Variants in KLF8 observed in about 807,000 individuals in gnomAD.
KLF8 encodes Krueppel-like factor 8.
In KLF8, 10 loss-of-function variants were observed where a neutral mutation model predicts 18.2. The ratio of observed to expected loss-of-function variants is 0.55; its 90% confidence interval spans 0.34 to 0.93. KLF8 has a LOEUF of 0.93. Ranked by LOEUF, KLF8 falls within the 40% of genes least tolerant of loss-of-function variation. KLF8 has a pLI of 0.02. For missense variants in KLF8, 264 were observed against 277.9 expected (o/e 0.95, Z 0.36); for synonymous variants, 109 against 97.3 (o/e 1.12, Z -0.71).
the KLF8 span, among the ~76,000 whole-genome samples, chrX:56,159,592 A>T: frequency 8.9e-6 from 1 of 112,204 alleles, no homozygotes; most frequent in Admixed American, 9.4e-5. Flanking sequence ...TCAGAGATTC[A>T]ACTTCTTCCT....
chrX:56,250,031 G>A (rs187419261), intron 1 of KLF8, among the ~76,000 whole-genome samples, 200 bp from the exon 2 acceptor site: 1 of 111,847 alleles, frequency 8.9e-6, no homozygotes, highest in Non-Finnish European at 1.9e-5. Context: ...TTTGGTGGAG[G>A]GGAGCAGCTA....
chrX:56,251,610 G>A (rs1454857166), intron 2 of KLF8, among the ~76,000 whole-genome samples: 1 of 108,840 alleles, frequency 9.2e-6, no homozygotes, highest in Non-Finnish European at 1.9e-5. Flanking sequence ...CTACAGGCAC[G>A]CACCACCATG....
chrX:56,182,044 C>A, the KLF8 span, among the ~76,000 whole-genome samples: 9 of 111,770 alleles, frequency 8.1e-5, no homozygotes, highest in African/African-American at 2.9e-4. Flanking sequence ...TGGATACTAT[C>A]CTGAAGAGTC....
the KLF8 span, among the ~76,000 whole-genome samples, chrX:56,192,177 A>G: frequency 8.9e-6 from 1 of 112,149 alleles, no homozygotes; most frequent in Admixed American, 9.5e-5. Flanking sequence ...CTTAATGCCA[A>G]GAGGAAACCA....
At chrX:55,939,887 G>C in the KLF8 span, among the ~76,000 whole-genome samples, 1 of 111,721 alleles carries the variant, frequency 9.0e-6, no homozygotes, top group Admixed American at 9.5e-5. Flanking sequence ...ATAATTAATA[G>C]CTTACCAATC....
the KLF8 span, among the ~76,000 whole-genome samples, chrX:55,964,033 A>G: frequency 8.9e-6 from 1 of 112,120 alleles, no homozygotes; most frequent in Non-Finnish European, 1.9e-5. Context: ...CCTGCCTCGA[A>G]TGTAAATGAG....
At chrX:56,040,886 C>A in the KLF8 span, among the ~76,000 whole-genome samples, 1 of 30,236 alleles carries the variant, frequency 3.3e-5, no homozygotes, top group Admixed American at 5.7e-4. Flanking sequence ...TGGTCTTGGG[C>A]TTTTTTTTTT....
the KLF8 span, among the ~76,000 whole-genome samples, chrX:56,214,123 C>T: frequency 9.0e-6 from 1 of 110,719 alleles, no homozygotes; most frequent in African/African-American, 3.3e-5. Flanking sequence ...CTCTTCTCCC[C>T]TTCTCTGCTC....
At chrX:56,251,138 G>A (rs2066704394) in intron 2 of KLF8, among the ~76,000 whole-genome samples, 1 of 112,301 alleles carries the variant, frequency 8.9e-6, no homozygotes, top group Admixed American at 9.4e-5. Flanking sequence ...CCCATTTGAT[G>A]GAAAATAAAA....
At chrX:56,257,701 A>G (rs146139810) in intron 2 of KLF8, among the ~76,000 whole-genome samples, 1,753 of 112,359 alleles carry the variant, frequency 0.016, 81 homozygotes, top group Admixed American at 0.11. Context: ...GTTCTTATTT[A>G]TGTCTACATA....
chrX:56,133,072 A>T, the KLF8 span, among the ~76,000 whole-genome samples: 1 of 111,849 alleles, frequency 8.9e-6, no homozygotes, highest in Non-Finnish European at 1.9e-5. Context: ...TCACAGCTGA[A>T]TTCTATCAGA....
the KLF8 span, among the ~76,000 whole-genome samples, chrX:55,938,845 C>A: frequency 8.9e-6 from 1 of 111,762 alleles, no homozygotes; most frequent in African/African-American, 3.2e-5. Flanking sequence ...TATATATGCA[C>A]CCAATACAGG....
chrX:55,961,371 T>G, the KLF8 span: 7 of 477,784 alleles, frequency 1.5e-5, no homozygotes, highest in Non-Finnish European at 2.8e-5. Context: ...GGGACACCGA[T>G]AGCAAAAAGA....
the KLF8 span, among the ~76,000 whole-genome samples, chrX:56,178,589 T>A: frequency 8.9e-6 from 1 of 112,340 alleles, no homozygotes; most frequent in Non-Finnish European, 1.9e-5. Flanking sequence ...ATTGGCTCAG[T>A]TTTCTTCTAG....
the KLF8 span, among the ~76,000 whole-genome samples, chrX:56,004,642 T>C: frequency 1.8e-5 from 2 of 111,449 alleles, no homozygotes; most frequent in South Asian, 7.7e-4. Flanking sequence ...AATTCAATCA[T>C]GCCCTCTTTC....
At chrX:56,270,040 A>T in intron 4 of KLF8, 142 bp from the exon 5 acceptor site, 1 of 578,835 alleles carries the variant, frequency 1.7e-6, no homozygotes, top group Non-Finnish European at 2.7e-6. Context: ...TTACTATTCC[A>T]ATTATTTCTT....
intron 5 of KLF8, among the ~76,000 whole-genome samples, chrX:56,283,741 G>A (rs931642082): frequency 7.1e-5 from 8 of 112,204 alleles, no homozygotes; most frequent in African/African-American, 1.9e-4. Context: ...CCAAAGACCT[G>A]AGTTTAGATC....
the KLF8 span, among the ~76,000 whole-genome samples, chrX:56,175,683 A>G: frequency 5.4e-5 from 6 of 111,319 alleles, no homozygotes; most frequent in Non-Finnish European, 1.1e-4. Flanking sequence ...GATCTGTCAG[A>G]TATTGACAGT....
At chrX:56,173,126 G>T in the KLF8 span, among the ~76,000 whole-genome samples, 3 of 111,593 alleles carry the variant, frequency 2.7e-5, no homozygotes, top group African/African-American at 9.8e-5. Flanking sequence ...TGTCAATTTT[G>T]TCTTTTGTTG....
Sources: allele counts gnomAD v4.1 joint callset (sites outside exome capture counted in the v4.1 genomes callset), GRCh38; gene constraint gnomAD v4.1.1; transcripts MANE v1.5; gene names NCBI Gene and HGNC (gene_info 2026-07-23, HGNC 2026-07-21).